The following PSG11 variants were observed in gnomAD, a reference collection of about 807,000 sequenced individuals.
The protein encoded by PSG11 is pregnancy-specific beta-1-glycoprotein 11.
Under a neutral mutation model 36.0 loss-of-function variants are expected in PSG11, and 42 were observed. The observed-to-expected ratio is 1.17, with a 90% CI of 0.91 to 1.51. The LOEUF (loss-of-function observed/expected upper bound fraction) is 1.51, where lower values mean the gene tolerates loss of function less well. Ranked by LOEUF, PSG11 falls within the 40% of genes most tolerant of loss-of-function variation. The probability of loss-of-function intolerance (pLI) is 0.00; values close to 1 mark genes in which losing one functional copy is unlikely to be tolerated. For missense variants in PSG11, 558 were observed against 403.5 expected, an observed-to-expected ratio of 1.38 and a Z score of -3.28; for synonymous variants, 206 against 153.5, an observed-to-expected ratio of 1.34 and a Z score of -2.53.
chr19:43,025,833 G>T (rs546270575), intron 1 of PSG11, among the ~76,000 whole-genome samples: 1 of 148,768 alleles, frequency 6.7e-6, no homozygotes, highest in Non-Finnish European at 1.5e-5. Flanking sequence ...TACCAATTCC[G>T]GTTCAATGTG....
chr19:43,025,249 A>G (rs1365080528), intron 1 of PSG11, 193 bp from the exon 2 acceptor site: 3 of 1,060,830 alleles, frequency 2.8e-6, no homozygotes, highest in Non-Finnish European at 4.0e-6. Flanking sequence ...TGTGTGTTCT[A>G]CTGTCCTACT....
intron 4 of PSG11, chr19:43,014,350 T>C (rs1386477495): frequency 2.3e-5 from 21 of 922,556 alleles, no homozygotes; most frequent in African/African-American, 7.2e-5. Context: ...TGAATCTTCC[T>C]ATTTCTCCAG....
At chr19:43,019,233 T>A (rs1449535182) in intron 2 of PSG11, 185 bp from the exon 3 acceptor site, 10 of 1,293,448 alleles carry the variant, frequency 7.7e-6, no homozygotes, top group Non-Finnish European at 5.2e-6. Flanking sequence ...TGAGGCTGCC[T>A]GCTTTATGTG....
intron 3 of PSG11, chr19:43,015,678 G>A (rs118148197): frequency 0.066 from 103,224 of 1,566,356 alleles, 5,940 homozygotes; most frequent in South Asian, 0.099. Context: ...AAAGGTGTCT[G>A]TACTTGGACC....
intron 2 of PSG11, among the ~76,000 whole-genome samples, chr19:43,022,467 C>A (rs1967124394): frequency 6.6e-6 from 1 of 151,374 alleles, no homozygotes; most frequent in Non-Finnish European, 1.5e-5. Context: ...GCCCCTGAAA[C>A]TATCCTTGAA....
intron 4 of PSG11, among the ~76,000 whole-genome samples, chr19:43,011,649 G>A (rs559668626): frequency 1.3e-5 from 2 of 151,352 alleles, no homozygotes; most frequent in South Asian, 2.1e-4. Context: ...CACTTTGGGA[G>A]GTCACAGCAG....
chr19:43,020,467 G>A (rs2122818809), intron 2 of PSG11, among the ~76,000 whole-genome samples: 1 of 151,246 alleles, frequency 6.6e-6, no homozygotes, highest in South Asian at 2.1e-4. Context: ...CAGGAGATTA[G>A]ACCTCATGTT....
chr19:43,021,058 C>G (rs551568035), intron 2 of PSG11, among the ~76,000 whole-genome samples: 6 of 151,504 alleles, frequency 4.0e-5, no homozygotes, highest in Non-Finnish European at 8.8e-5. Flanking sequence ...GTAAAACCAT[C>G]AGATAGCACC....
At position 43,024,933 on chromosome 19, in the gene PSG11, G is replaced by T. The variant is rs1967202267; in HGVS notation, c.188C>A (p.Thr63Asn). The T allele has an allele frequency of 6.2e-7, 1 of 1,611,782 alleles. No homozygotes were observed. The highest frequency in any genetic ancestry group is 1.1e-5 in the South Asian group (1 of 90,824). The change falls in exon 2 of 6, where the codon ACT becomes AAT. Residue 63 changes from threonine to asparagine, a missense_variant. Coordinates refer to ENST00000320078, the MANE Select transcript of PSG11 (RefSeq NM_002785.3). ...TTGCCCTTTGTACCAGATGTAGCCA[G>T]TAAGATTCTGGGGCAAATTGTGGAC... ...LLVHNLPQNL[T>N]GYIWYKGQIR...
intron 4 of PSG11, chr19:43,014,398 G>A (rs536558242): frequency 4.1e-5 from 39 of 942,984 alleles, no homozygotes; most frequent in East Asian, 2.4e-4. Flanking sequence ...TGTGTCCCAC[G>A]TGCTGTGCCC....
At position 43,010,068 on chromosome 19, in the gene PSG11, G is replaced by A. The variant is rs1200714957; in HGVS notation, c.965-27C>T. On this transcript the variant is annotated intron_variant, in intron 4 of 5. Transcript: ENST00000320078. ...TGTCATGGAAAGAAAAGAAAAGAAG[G>A]AATGAAGGTGATGTTATTTTACATG... 6 of 1,601,218 alleles carry A rather than the reference G, an allele frequency of 3.7e-6. No homozygotes were observed. In the East Asian group the frequency reaches 1.3e-4, roughly 36 times the overall value.
In PSG11 at chr19:43,022,785, G is replaced by C. The variant is rs539773086; in HGVS notation, c.430+1906C>G. ...CTTAGTGACCTGGGGACATTGGCTC[G>C]AGATGAAGCCTGGCAGGAGTGGCAA... On this transcript the variant is annotated intron_variant, in intron 2 of 5. Transcript: ENST00000320078. Among the ~76,000 whole-genome samples, 63 of 151,094 alleles carry C rather than the reference G, an allele frequency of 4.2e-4. 6 individuals are homozygous for C. In the Middle Eastern group the frequency reaches 0.01, roughly 24 times the overall value.
chr19:43,015,091 G>C, intron 4 of PSG11, 25 bp downstream of exon 4: 1 of 1,611,384 alleles, frequency 6.2e-7, no homozygotes, highest in Non-Finnish European at 8.5e-7. Context: ...AAACCCTATT[G>C]CCAAGGATGC....
At chr19:43,010,304 G>A in intron 4 of PSG11, 1 of 1,496,828 alleles carries the variant, frequency 6.7e-7, no homozygotes, top group Middle Eastern at 2.5e-4. Context: ...GAGAAAGGCT[G>A]ATTGCTATTT....
chr19:43,017,805 C>G (rs1967003766), intron 3 of PSG11, among the ~76,000 whole-genome samples: 1 of 151,458 alleles, frequency 6.6e-6, no homozygotes, highest in Non-Finnish European at 1.5e-5. Flanking sequence ...TTGTAGTTTT[C>G]AAGGTATAAT....
In PSG11 at chr19:43,018,649, G is replaced by A. The variant is rs1967025297; in HGVS notation, c.709+121C>T. 11 of 1,595,592 alleles carry A rather than the reference G, an allele frequency of 6.9e-6. 2 individuals are homozygous for A. In the South Asian group the frequency reaches 1.2e-4, roughly 18 times the overall value. Reference sequence around the variant, plus strand: ...TGTCTGGGGCAGAAAGTCATGGCCAGCTTTGATGTCCAGTGGTAAAGGTCT... The same window carrying A: ...TGTCTGGGGCAGAAAGTCATGGCCAACTTTGATGTCCAGTGGTAAAGGTCT... On this transcript the variant is annotated intron_variant, in intron 3 of 5. Coordinates refer to ENST00000320078, the MANE Select transcript of PSG11 (RefSeq NM_002785.3).
Position 43,008,563 on chromosome 19 carries a change from A to G in PSG11, c.*41-521T>C, listed in dbSNP as rs1025687762. On this transcript the variant is annotated intron_variant, in intron 5 of 5. Coordinates refer to ENST00000320078, the MANE Select transcript of PSG11 (RefSeq NM_002785.3). The stretch of plus-strand genomic sequence containing the variant: ...AGTGCTGGGATTACAGGCATGAGCC[A>G]TCGCACCCAGCCTAGAATACTCATA... 2.6e-5 allele frequency among the ~76,000 whole-genome samples: 4 copies of G among 151,404 alleles called. No individual in the cohort carries two copies. In the Admixed American group the frequency reaches 2.6e-4, roughly 10 times the overall value.
rs758939809 is a variant in PSG11 at position 43,018,958 on chromosome 19, G to T, written c.521C>A (p.Pro174Gln). ...TVILTCNPET[P>Q]DASYLWWMNG... ...CATCCACCACAGGTAGCTTGCGTCC[G>T]GAGTCTCAGGATTACAGGTTAAGAT... is the stretch of plus-strand genomic sequence containing the variant. Residue 174 changes from proline to glutamine, a missense_variant, in exon 3 of 6, where the codon CCG becomes CAG. Pro to Gln is a moderately conservative substitution (Grantham distance 76, BLOSUM62 -1). Coordinates refer to ENST00000320078, the MANE Select transcript of PSG11 (RefSeq NM_002785.3). 3 of 1,612,072 alleles carry T rather than the reference G, an allele frequency of 1.9e-6. No homozygotes were observed. The highest frequency in any genetic ancestry group is 2.2e-5 in the South Asian group (2 of 90,830).
At chr19:43,022,915 G>C (rs1235948842) in intron 2 of PSG11, among the ~76,000 whole-genome samples, 2 of 150,588 alleles carry the variant, frequency 1.3e-5, no homozygotes, top group Non-Finnish European at 1.5e-5. Context: ...GGAGTGTCTG[G>C]GGAAGGCCTA....
Sources: allele counts gnomAD v4.1 joint callset (sites outside exome capture counted in the v4.1 genomes callset), GRCh38; gene constraint gnomAD v4.1.1; transcripts MANE v1.5; gene names NCBI Gene and HGNC (gene_info 2026-07-23, HGNC 2026-07-21).